The following MTMR1 variants were observed in gnomAD, a reference collection of about 807,000 sequenced individuals.
MTMR1 encodes phosphatidylinositol-3-phosphate phosphatase MTMR1.
Under a neutral mutation model 51.6 loss-of-function variants are expected in MTMR1, and 17 were observed. The ratio of observed to expected loss-of-function variants is 0.33; its 90% CI spans 0.23 to 0.49. The LOEUF is 0.49. Ranked by LOEUF, MTMR1 falls within the 20% of genes least tolerant of loss-of-function variation. MTMR1 has a pLI of 0.99. For synonymous variants in MTMR1, 201 were observed against 205.6 expected, an observed-to-expected ratio of 0.98 and a Z score of 0.19; for missense variants, 386 against 526.9, an observed-to-expected ratio of 0.73 and a Z score of 2.62.
At chrX:150,693,311 GCCCCGCGCGCCGCCCTCCCCGC>G (rs1274716349), upstream of MTMR1, 7 of 271,953 alleles carry the variant, frequency 2.6e-5, no homozygotes, top group Non-Finnish European at 3.5e-5. Flanking sequence ...CCCGGCGCCG[GCCCCGCGCGCCGCCCTCCCCGC>G]CCCCGCTCCC....
chrX:150,750,124 C>CA (rs200776995), intron 13 of MTMR1, among the ~76,000 whole-genome samples: 12,035 of 99,072 alleles, frequency 0.12, 1,142 homozygotes, highest in African/African-American at 0.31. Context: ...GACTCCGTCT[C>CA]AAAAAAAAAA....
At chrX:150,759,092 C>A (rs2042996722) in intron 15 of MTMR1, among the ~76,000 whole-genome samples, 1 of 112,576 alleles carries the variant, frequency 8.9e-6, no homozygotes, top group Non-Finnish European at 1.9e-5. Flanking sequence ...TCACTGGAGT[C>A]CAGGTCCAGC....
At chrX:150,693,721 C>G in intron 1 of MTMR1, 45 bp downstream of exon 1, 1 of 743,601 alleles carries the variant, frequency 1.3e-6, no homozygotes. Flanking sequence ...CCCCGACTCC[C>G]GAGGGCCCCG....
intron 9 of MTMR1, among the ~76,000 whole-genome samples, chrX:150,731,928 A>G (rs2042129841): frequency 8.9e-6 from 1 of 112,081 alleles, no homozygotes; most frequent in Non-Finnish European, 1.9e-5. Context: ...ACCAGTTGGC[A>G]TTGCTGGTTT....
In MTMR1 at chrX:150,693,618, C is replaced by T. The variant is rs1412495806; in HGVS notation, c.88C>T (p.Arg30Trp). ...PGPAGGRRPP[R>W]AAGGATAGSR... Reference sequence around the variant, plus strand: ...GCCGGCGGGCGGCAGGAGGCCTCCTCGGGCCGCGGGGGGCGCCACCGCCGG... The same window carrying T: ...GCCGGCGGGCGGCAGGAGGCCTCCTTGGGCCGCGGGGGGCGCCACCGCCGG... Residue 30 changes from arginine (R) to tryptophan (W), a missense_variant, in exon 1 of 16, where the codon CGG becomes TGG. Transcript: ENST00000445323. 6 of 757,077 alleles carry T rather than the reference C, an allele frequency of 7.9e-6. No individual in the cohort carries two copies. Among genetic ancestry groups the T allele is most frequent in the East Asian group, 1.5e-4 (1 of 6,760 alleles). 62.4% of individuals were successfully genotyped at this position (757,077 alleles called of 1,213,427 possible). A position where few individuals can be genotyped will look rare whatever the true frequency, so the allele number is the denominator to read the frequency against.
rs782280656 is a variant in MTMR1, at chrX:150,744,677, T to C, written c.1566+224T>C. Among the ~76,000 whole-genome samples, 41 of 112,443 alleles carry C rather than the reference T, an allele frequency of 3.6e-4. No homozygotes were observed. In the South Asian group the frequency reaches 0.015, roughly 40 times the overall value. On this transcript the variant is annotated intron_variant, in intron 13 of 15. Transcript: ENST00000445323. ...TGCAAATGGTTTTTATCAATCATCT[T>C]GTCCACTAGGTCCAAACCAAGGCCC...
rs187976114 is a variant in MTMR1, at chrX:150,754,130, G to A, written c.1681-1559G>A. On this transcript the variant is annotated intron_variant, in intron 14 of 15. Transcript: ENST00000445323. ...CAACCTTGTTGAAGATCAGTTGACC[G>A]TAAATGTCAGAGAGTTCATTTCTGT... Among the ~76,000 whole-genome samples, 11 of 112,887 alleles carry A rather than the reference G, an allele frequency of 9.7e-5. No homozygotes were observed. In the East Asian group the frequency reaches 2.5e-3, roughly 26 times the overall value.
rs910416938 is a variant in MTMR1 at position 150,761,430 on chromosome X, T to C, written c.1858-1135T>C. 8.0e-5 allele frequency among the ~76,000 whole-genome samples: 9 copies of C among 112,405 alleles called. No homozygotes were observed. The East Asian group carries it at 2.2e-3, about 28-fold the overall frequency. ...TTCCCTCCAGGAGGGCTGATCACCATTGGCACACACGGTGGAACAGCTCAG... is the reference window on the plus strand; with the variant it reads ...TTCCCTCCAGGAGGGCTGATCACCACTGGCACACACGGTGGAACAGCTCAG... On this transcript the variant is annotated intron_variant, in intron 15 of 15. Coordinates refer to ENST00000445323, the MANE Select transcript of MTMR1 (RefSeq NM_001306144.3).
chrX:150,695,715 T>C (rs997211305), intron 1 of MTMR1, among the ~76,000 whole-genome samples: 2 of 111,871 alleles, frequency 1.8e-5, no homozygotes, highest in Non-Finnish European at 3.8e-5. Context: ...ATATAGTTGA[T>C]CTATCTGAGC....
At chrX:150,761,009 G>A (rs1406399337) in intron 15 of MTMR1, among the ~76,000 whole-genome samples, 1 of 110,890 alleles carries the variant, frequency 9.0e-6, no homozygotes, top group Non-Finnish European at 1.9e-5. Flanking sequence ...TGATAGTGGT[G>A]CGTTTGAGCA....
At position 150,713,948 on chromosome X, in the gene MTMR1, C is replaced by CAT. The variant is rs1168135499; in HGVS notation, c.276+1593_276+1594dup. ...ACACACACACACACACACACATACA[C>CAT]ATATATATATAATCTCCAGCATGTG... On this transcript the variant is annotated intron_variant, in intron 3 of 15. Coordinates refer to ENST00000445323, the MANE Select transcript of MTMR1 (RefSeq NM_001306144.3). Among the ~76,000 whole-genome samples, 35 of 110,503 alleles carry CAT rather than the reference C, an allele frequency of 3.2e-4. No homozygotes were observed. In the South Asian group the frequency reaches 3.4e-3, roughly 11 times the overall value.
intron 2 of MTMR1, among the ~76,000 whole-genome samples, chrX:150,712,094 T>C (rs2041334171): frequency 8.9e-6 from 1 of 111,969 alleles, no homozygotes; most frequent in African/African-American, 3.3e-5. Context: ...GTAATGTAGT[T>C]AGTCTTAGCC....
chrX:150,729,156 C>G (rs1180076838), intron 6 of MTMR1, among the ~76,000 whole-genome samples: 1 of 111,200 alleles, frequency 9.0e-6, no homozygotes, highest in African/African-American at 3.3e-5. Context: ...CTGCCCTCCT[C>G]TCATTCTGGC....
intron 13 of MTMR1, among the ~76,000 whole-genome samples, chrX:150,750,507 C>T (rs1043019250): frequency 4.5e-5 from 5 of 112,059 alleles, no homozygotes; most frequent in African/African-American, 6.5e-5. Flanking sequence ...ATAAGCTTTT[C>T]TGGGCATTGA....
At chrX:150,718,176 G>C (rs2041609539) in intron 3 of MTMR1, among the ~76,000 whole-genome samples, 1 of 112,175 alleles carries the variant, frequency 8.9e-6, no homozygotes, top group South Asian at 3.7e-4. Flanking sequence ...TTAGACTTCT[G>C]GCCTTCCCAA....
chrX:150,744,096 G>A (rs2042511104), intron 12 of MTMR1, among the ~76,000 whole-genome samples: 1 of 112,688 alleles, frequency 8.9e-6, no homozygotes, highest in Non-Finnish European at 1.9e-5. Flanking sequence ...TGAAAAGTTT[G>A]CTAGCTAGTT....
At chrX:150,701,916 G>A (rs139967800) in intron 2 of MTMR1, among the ~76,000 whole-genome samples, 6 of 111,427 alleles carry the variant, frequency 5.4e-5, no homozygotes, top group African/African-American at 2.0e-4. Context: ...TGAGGAAACC[G>A]AGGCCTAGAG....
Position 150,693,479 on chromosome X carries a change from G to A in MTMR1, c.-52G>A. The stretch of plus-strand genomic sequence containing the variant: ...GGCAAGCAGCGAAACCTTCCCGGCC[G>A]CCGCTCCCGTCCCGACGGCGGCTTC... On this transcript the variant is annotated 5_prime_UTR_variant, in exon 1 of 16. Coordinates refer to ENST00000445323, the MANE Select transcript of MTMR1 (RefSeq NM_001306144.3). 1.3e-6 allele frequency: 1 copy of A among 761,402 alleles called. No homozygotes were observed. Among genetic ancestry groups the A allele is most frequent in the Non-Finnish European group, 1.6e-6 (1 of 644,282 alleles). 62.7% of individuals were successfully genotyped at this position (761,402 alleles called of 1,213,427 possible).
intron 1 of MTMR1, among the ~76,000 whole-genome samples, chrX:150,695,163 G>T (rs2040626572): frequency 8.9e-6 from 1 of 112,142 alleles, no homozygotes; most frequent in African/African-American, 3.2e-5. Context: ...AGTGTTCCTA[G>T]ATCAGCGAGG....
Sources: gnomAD v4.1 joint callset for allele counts (sites outside exome capture counted in the v4.1 genomes callset) on GRCh38, gnomAD v4.1.1 for gene constraint, MANE v1.5 for transcripts, NCBI Gene and HGNC (gene_info 2026-07-23, HGNC 2026-07-21) for gene names.